Variants in SPACDR observed in about 807,000 individuals in gnomAD.
The protein encoded by SPACDR is uncharacterized protein C7orf61.
chr7:100,457,733 A>C, the SPACDR span, among the ~76,000 whole-genome samples: 6 of 127,408 alleles, frequency 4.7e-5, no homozygotes, highest in African/African-American at 1.9e-4. Context: ...TGATGCTCCC[A>C]CCTCAGCCTC....
the SPACDR span, among the ~76,000 whole-genome samples, chr7:100,462,394 T>C: frequency 6.6e-6 from 1 of 151,880 alleles, no homozygotes; most frequent in African/African-American, 2.4e-5. Context: ...TTTGTATTTT[T>C]AGTAGAGACG....
At chr7:100,457,764 T>C in the SPACDR span, among the ~76,000 whole-genome samples, 2 of 146,072 alleles carry the variant, frequency 1.4e-5, no homozygotes, top group Admixed American at 7.1e-5. Context: ...GGGACTACAG[T>C]CGTGCACCAC....
chr7:100,460,349 G>T, the SPACDR span, among the ~76,000 whole-genome samples: 1 of 151,920 alleles, frequency 6.6e-6, no homozygotes, highest in Non-Finnish European at 1.5e-5. Flanking sequence ...CAGTACTTTG[G>T]GAGTCTGAGG....
At chr7:100,459,170 AT>A in the SPACDR span, among the ~76,000 whole-genome samples, 115 of 138,630 alleles carry the variant, frequency 8.3e-4, no homozygotes, top group African/African-American at 3.0e-3. Flanking sequence ...CGCCTGGCTA[AT>A]TTTTTTGTAT....
At chr7:100,459,989 A>G in the SPACDR span, among the ~76,000 whole-genome samples, 2 of 150,908 alleles carry the variant, frequency 1.3e-5, no homozygotes, top group Non-Finnish European at 2.9e-5. Flanking sequence ...TCCCAGGTTC[A>G]CGCCATTCTC....
the SPACDR span, chr7:100,456,691 G>A: frequency 5.7e-6 from 6 of 1,047,436 alleles, no homozygotes; most frequent in Non-Finnish European, 8.3e-6. Context: ...GGAATGAAGG[G>A]GCTGATATGG....
chr7:100,461,979 T>TC, the SPACDR span, among the ~76,000 whole-genome samples: 1 of 105,606 alleles, frequency 9.5e-6, no homozygotes, highest in African/African-American at 3.8e-5. Context: ...GGCGACAGAC[T>TC]CCGTCTCAAA....
the SPACDR span, among the ~76,000 whole-genome samples, chr7:100,458,697 G>A: frequency 6.6e-6 from 1 of 152,200 alleles, no homozygotes; most frequent in East Asian, 1.9e-4. Flanking sequence ...AGGCCAAGGT[G>A]GGTGGATCAC....
chr7:100,458,932 C>G, the SPACDR span, among the ~76,000 whole-genome samples: 1 of 149,390 alleles, frequency 6.7e-6, no homozygotes, highest in Non-Finnish European at 1.5e-5. Flanking sequence ...CGTCTCAAAA[C>G]AAAACAAAAA....
chr7:100,457,051 C>G, the SPACDR span: 3 of 1,185,642 alleles, frequency 2.5e-6, no homozygotes, highest in Non-Finnish European at 3.6e-6. Context: ...GCCGCTAGAA[C>G]GACCCATAGA....
At chr7:100,463,408 G>A in the SPACDR span, 24 of 1,612,262 alleles carry the variant, frequency 1.5e-5, no homozygotes, top group Non-Finnish European at 1.9e-5. Context: ...CAGAGACCAT[G>A]AGCGTGGAGA....
the SPACDR span, chr7:100,464,092 T>TGGGGGGGG: frequency 2.3e-5 from 3 of 127,750 alleles, no homozygotes; most frequent in South Asian, 1.6e-4. Context: ...GGGTGGCGGG[T>TGGGGGGGG]GGGGGATGGG....
chr7:100,457,931 G>T, the SPACDR span, among the ~76,000 whole-genome samples: 1 of 146,886 alleles, frequency 6.8e-6, no homozygotes, highest in Non-Finnish European at 1.5e-5. Flanking sequence ...TGATCCACCT[G>T]CCTCAGCCTC....
the SPACDR span, chr7:100,457,052 G>A: frequency 1.0e-5 from 12 of 1,168,222 alleles, no homozygotes; most frequent in East Asian, 2.3e-4. Context: ...CCGCTAGAAC[G>A]ACCCATAGAT....
chr7:100,458,739 A>C, the SPACDR span, among the ~76,000 whole-genome samples: 1 of 152,128 alleles, frequency 6.6e-6, no homozygotes, highest in Non-Finnish European at 1.5e-5. Context: ...CAGCCTGGCT[A>C]ACATGGTGAA....
chr7:100,463,275 G>A, the SPACDR span: 19 of 1,150,674 alleles, frequency 1.7e-5, no homozygotes, highest in African/African-American at 2.6e-4. Context: ...CACCAGGCCA[G>A]GAAACAATTG....
the SPACDR span, among the ~76,000 whole-genome samples, chr7:100,458,875 C>T: frequency 6.6e-6 from 1 of 151,934 alleles, no homozygotes; most frequent in African/African-American, 2.4e-5. Context: ...TGCAGTGAGC[C>T]GAGGTCGCAC....
chr7:100,463,815 C>G, the SPACDR span: 1 of 1,244,794 alleles, frequency 8.0e-7, no homozygotes, highest in East Asian at 2.4e-5. Flanking sequence ...TCTCCTCCAG[C>G]CCCTCCCCAG....
chr7:100,463,822 C>T, the SPACDR span: 1 of 1,260,996 alleles, frequency 7.9e-7, no homozygotes, highest in South Asian at 1.3e-5. Context: ...CAGCCCCTCC[C>T]CAGCTGTCCT....
Sources: gnomAD v4.1 joint callset for allele counts (sites outside exome capture counted in the v4.1 genomes callset) on GRCh38, gnomAD v4.1.1 for gene constraint, MANE v1.5 for transcripts, NCBI Gene and HGNC (gene_info 2026-07-23, HGNC 2026-07-21) for gene names.